TXK: variants seen among roughly 807,000 people sequenced by gnomAD.
TXK encodes the protein tyrosine-protein kinase TXK.
Under a neutral mutation model 81.0 loss-of-function variants are expected in TXK, and 60 were observed. The ratio of observed to expected loss-of-function variants is 0.74; its 90% CI spans 0.60 to 0.92. The LOEUF (loss-of-function observed/expected upper bound fraction) is 0.92, where lower values mean the gene tolerates loss of function less well. Among genes scored for constraint, TXK ranks in the 40% least tolerant of loss-of-function variants. TXK has a pLI of 0.00. For synonymous variants in TXK, 203 were observed against 210.7 expected, an observed-to-expected ratio of 0.96 and a Z score of 0.32; for missense variants, 581 against 638.3, an observed-to-expected ratio of 0.91 and a Z score of 0.97.
rs530916740 is a variant in TXK, at chr4:48,113,213, C to A, written c.168G>T (p.Lys56Asn). Residue 56 changes from lysine (K) to asparagine (N), a missense_variant, in exon 3 of 15, where the codon AAG (lysine) becomes AAT (asparagine). Lys to Asn is a moderately conservative substitution (Grantham distance 94). Coordinates refer to ENST00000264316, the MANE Select transcript of TXK (RefSeq NM_003328.3). ...RRPWLSQLSN[K>N]KQSNTGRVQP... ...CTGTCAAAATGATACTTACTTGCTT[C>A]TTATTTGACAATTGGCTGAGCCACG... 12 of 1,612,042 alleles carry A rather than the reference C, an allele frequency of 7.4e-6. No individual in the cohort carries two copies. In the South Asian group the frequency reaches 1.3e-4, roughly 18 times the overall value.
At chr4:48,075,508 G>T (rs1717031237) in intron 12 of TXK, among the ~76,000 whole-genome samples, 1 of 152,078 alleles carries the variant, frequency 6.6e-6, no homozygotes, top group South Asian at 2.1e-4. Context: ...AAATTAGCTG[G>T]GCGTGGTGGC....
intron 6 of TXK, among the ~76,000 whole-genome samples, chr4:48,099,699 A>G (rs1017036917): frequency 7.2e-5 from 11 of 152,196 alleles, no homozygotes; most frequent in African/African-American, 2.7e-4. Context: ...GTAGTCCTCT[A>G]TGAGGACTGA....
chr4:48,131,554 C>T (rs1401044597), intron 1 of TXK, among the ~76,000 whole-genome samples: 2 of 152,128 alleles, frequency 1.3e-5, no homozygotes, highest in Non-Finnish European at 2.9e-5. Flanking sequence ...AAAATGTAGC[C>T]ACATTCAGCT....
intron 1 of TXK, among the ~76,000 whole-genome samples, chr4:48,131,447 G>T (rs139322399): frequency 1.4e-5 from 1 of 71,212 alleles, no homozygotes; most frequent in Non-Finnish European, 3.3e-5. Context: ...GACTTTTTTT[G>T]TTTGTTTGTT....
At chr4:48,098,997 G>A (rs1718087060) in intron 6 of TXK, among the ~76,000 whole-genome samples, 1 of 152,044 alleles carries the variant, frequency 6.6e-6, no homozygotes, top group African/African-American at 2.4e-5. Context: ...ATCATCACTG[G>A]CATTTCATAC....
rs770855322 is a variant in TXK at position 48,112,530 on chromosome 4, T to A, written c.175-18A>T. ...GTGTTGGACTGTGAAAACCAATAAG[T>A]GAGTTGTTTTACTATCATTTTAATA... is the stretch of plus-strand genomic sequence containing the variant. On this transcript the variant is annotated intron_variant, in intron 3 of 14. Coordinates refer to ENST00000264316, the MANE Select transcript of TXK (RefSeq NM_003328.3). The A allele has an allele frequency of 3.2e-6, 5 of 1,584,056 alleles. No homozygotes were observed. In the Admixed American group the frequency reaches 7.5e-5, roughly 24 times the overall value.
At chr4:48,078,805 T>G (rs995861760) in intron 11 of TXK, among the ~76,000 whole-genome samples, 1 of 152,234 alleles carries the variant, frequency 6.6e-6, no homozygotes, top group East Asian at 1.9e-4. Context: ...ATTCTTTATA[T>G]AAAGTGGAGA....
chr4:48,071,405 C>T, intron 14 of TXK, 112 bp downstream of exon 14: 2 of 1,065,988 alleles, frequency 1.9e-6, no homozygotes, highest in Non-Finnish European at 2.7e-6. Flanking sequence ...ATGACCAAGA[C>T]ACAGATGCCT....
At chr4:48,089,318 A>G (rs1717658760) in intron 9 of TXK, 1 of 154,090 alleles carries the variant, frequency 6.5e-6, no homozygotes, top group African/African-American at 2.4e-5. Flanking sequence ...AAACTTTGAG[A>G]AGAAATGTTT....
intron 9 of TXK, among the ~76,000 whole-genome samples, chr4:48,086,927 C>T (rs1353942801): frequency 3.3e-5 from 5 of 152,250 alleles, no homozygotes; most frequent in African/African-American, 9.6e-5. Flanking sequence ...CTGTGCCTTT[C>T]TAAACTAAAC....
chr4:48,088,857 C>T lies in TXK; in HGVS notation c.784+893G>A, dbSNP rs147158190. Among the ~76,000 whole-genome samples, 1,032 of 152,088 alleles carry T rather than the reference C, an allele frequency of 6.8e-3. 6 individuals carry two copies. Among genetic ancestry groups the T allele is most frequent in the Middle Eastern group, 0.024 (7 of 294 alleles). On this transcript the variant is annotated intron_variant, in intron 9 of 14. Transcript: ENST00000264316. The stretch of plus-strand genomic sequence containing the variant: ...ATCCTGAGTCCCAGTTACTTTTTTC[C>T]CAATATATTGTGTTATTAATTTTTT...
chr4:48,110,539 C>A lies in TXK; in HGVS notation c.445G>T (p.Glu149Ter). 1 of 1,601,786 alleles carries A rather than the reference C, an allele frequency of 6.2e-7. No homozygotes were observed. The highest frequency in any genetic ancestry group is 1.1e-5 in the South Asian group (1 of 90,588). ...GGTTATATTTTGGAGAAGACTTACTCATATATTTCTAAATTAGTTATTTTG... is the reference window on the plus strand; with the variant it reads ...GGTTATATTTTGGAGAAGACTTACTAATATATTTCTAAATTAGTTATTTTG... ...ENKITNLEIYEWYHRNITRNQ... is the reference protein window; with the variant it reads ...ENKITNLEIY The change falls in exon 5 of 15, where the codon GAG (glutamate) becomes TAG (stop). Residue 149 changes from glutamate (E) to a stop codon, truncating the protein, a stop_gained and splice_region_variant. Coordinates refer to ENST00000264316, the MANE Select transcript of TXK (RefSeq NM_003328.3). LOFTEE classifies it high-confidence loss of function.
chr4:48,122,286 C>A lies in TXK; in HGVS notation c.17-7884G>T, dbSNP rs146370109. ...ATCTCCTCTGCAATAAGCTCCTGCT[C>A]ACCTCACTCAGCCACACCGCAATGC... On this transcript the variant is annotated intron_variant, in intron 1 of 14. Coordinates refer to ENST00000264316, the MANE Select transcript of TXK (RefSeq NM_003328.3). Among the ~76,000 whole-genome samples the A allele has an allele frequency of 7.3e-3, 1,109 of 152,310 alleles. 10 individuals carry two copies. Among genetic ancestry groups the A allele is most frequent in the Middle Eastern group, 0.027 (8 of 294 alleles).
chr4:48,105,057 C>A, intron 5 of TXK, 102 bp from the exon 6 acceptor site: 1 of 725,410 alleles, frequency 1.4e-6, no homozygotes, highest in East Asian at 3.1e-5. Context: ...CAGAACTGAG[C>A]TTAGAAAGTT....
intron 6 of TXK, among the ~76,000 whole-genome samples, chr4:48,102,871 C>A (rs1718253274): frequency 6.6e-6 from 1 of 152,050 alleles, no homozygotes; most frequent in South Asian, 2.1e-4. Context: ...TCCTTTCTGT[C>A]AAATGGTAAA....
chr4:48,091,170 G>T (rs1470557304), intron 8 of TXK, among the ~76,000 whole-genome samples: 1 of 152,206 alleles, frequency 6.6e-6, no homozygotes, highest in Non-Finnish European at 1.5e-5. Flanking sequence ...TAGAAAAAGA[G>T]CACTTGACAC....
chr4:48,077,006 T>C (rs1481577061), intron 11 of TXK, among the ~76,000 whole-genome samples: 2 of 152,178 alleles, frequency 1.3e-5, no homozygotes, highest in Non-Finnish European at 2.9e-5. Flanking sequence ...TTTTTTAACA[T>C]CTTTATAGGA....
At chr4:48,084,066 G>T (rs1466169336) in intron 10 of TXK, among the ~76,000 whole-genome samples, 2 of 152,238 alleles carry the variant, frequency 1.3e-5, no homozygotes, top group East Asian at 3.9e-4. Flanking sequence ...AAGATTTTCT[G>T]CCTCACTTTT....
At chr4:48,073,686 T>C (rs933742746) in intron 13 of TXK, among the ~76,000 whole-genome samples, 4 of 152,236 alleles carry the variant, frequency 2.6e-5, no homozygotes, top group African/African-American at 9.6e-5. Flanking sequence ...ATCAGTAGAC[T>C]CTTTGTTATG....
Sources: gnomAD v4.1 joint callset for allele counts (sites outside exome capture counted in the v4.1 genomes callset) on GRCh38, gnomAD v4.1.1 for gene constraint, MANE v1.5 for transcripts, NCBI Gene and HGNC (gene_info 2026-07-23, HGNC 2026-07-21) for gene names.